GRM1: variants seen among roughly 807,000 people sequenced by gnomAD.
GRM1 encodes the protein metabotropic glutamate receptor 1.
Under a neutral mutation model 90.9 loss-of-function variants are expected in GRM1, and 33 were observed. The ratio of observed to expected loss-of-function variants is 0.36; its 90% CI spans 0.28 to 0.49. The LOEUF (loss-of-function observed/expected upper bound fraction) is 0.49, where lower values mean the gene tolerates loss of function less well. GRM1 is among the 20% of genes least tolerant of loss of function. GRM1 has a pLI of 0.99. For missense variants in GRM1, 1,190 were observed against 1,534.3 expected, an observed-to-expected ratio of 0.78 and a Z score of 3.75; for synonymous variants, 700 against 613.2, an observed-to-expected ratio of 1.14 and a Z score of -2.09.
rs1213237504 is a variant in GRM1, at chr6:146,399,499, T to C, written c.2460T>C (p.Ser820=). The part of the protein sequence containing the change: ...YKIITTCFAV[S]LSVTVALGCM... ...TCATCACAACTTGCTTTGCAGTGAG[T>C]CTCAGTGTAACAGTGGCTCTGGGGT... The change falls in exon 7 of 8, where the codon AGT becomes AGC. Residue 820 remains serine, a synonymous_variant. Transcript: ENST00000282753. This position sits in a 1 kb window ranked among gnomAD's most constrained non-coding sequence, Gnocchi z 5.4. The C allele has an allele frequency of 6.2e-7, 1 of 1,614,002 alleles. No individual in the cohort carries two copies. The highest frequency in any genetic ancestry group is 1.3e-5 in the African/African-American group (1 of 75,012).
In GRM1 at chr6:146,434,153, G is replaced by T. The variant is rs759345683; in HGVS notation, c.2942G>T (p.Arg981Leu). Residue 981 changes from arginine to leucine, a missense_variant, in exon 8 of 8, where the codon CGC (arginine) becomes CTC (leucine). Coordinates refer to ENST00000282753, the MANE Select transcript of GRM1 (RefSeq NM_001278064.2). Reference sequence around the variant, plus strand: ...AGCCCTTCCATGGTGGTGCACAGGCGCGTGCCAAGCGCGGCGACCACTCCG... The same window carrying T: ...AGCCCTTCCATGGTGGTGCACAGGCTCGTGCCAAGCGCGGCGACCACTCCG... ...PGSPSMVVHR[R>L]VPSAATTPPL... 1 of 1,613,926 alleles carries T rather than the reference G, an allele frequency of 6.2e-7. No homozygotes were observed. Among genetic ancestry groups the T allele is most frequent in the East Asian group, 2.2e-5 (1 of 44,844 alleles).
chr6:146,321,339 G>C (rs1470259507), intron 3 of GRM1, among the ~76,000 whole-genome samples: 1 of 152,184 alleles, frequency 6.6e-6, no homozygotes, highest in East Asian at 1.9e-4. Flanking sequence ...CTGCGAGACT[G>C]TTTTGATTTC....
At chr6:146,110,247 C>T (rs764657733) in intron 1 of GRM1, among the ~76,000 whole-genome samples, 5 of 152,114 alleles carry the variant, frequency 3.3e-5, no homozygotes, top group Non-Finnish European at 2.9e-5. Flanking sequence ...TCCCACATGT[C>T]GTGGGAGGAA....
chr6:146,223,140 G>T (rs536420989), intron 2 of GRM1, among the ~76,000 whole-genome samples: 1 of 152,166 alleles, frequency 6.6e-6, no homozygotes, highest in South Asian at 2.1e-4. Context: ...AAACAGTAGA[G>T]AGATGCCAAT....
chr6:146,189,454 G>A (rs75400555), intron 2 of GRM1, among the ~76,000 whole-genome samples: 3 of 152,066 alleles, frequency 2.0e-5, no homozygotes, highest in South Asian at 2.1e-4. Flanking sequence ...TGACTTCTTC[G>A]ACTCTCTTGC....
intron 7 of GRM1, among the ~76,000 whole-genome samples, chr6:146,418,970 A>G (rs1343668150): frequency 6.6e-6 from 1 of 152,232 alleles, no homozygotes; most frequent in Non-Finnish European, 1.5e-5. Context: ...GGTAATTCTG[A>G]CATGAATTAT....
intron 3 of GRM1, among the ~76,000 whole-genome samples, chr6:146,344,561 T>C (rs1050928489): frequency 3.9e-5 from 6 of 152,232 alleles, no homozygotes; most frequent in Non-Finnish European, 5.9e-5. Flanking sequence ...CTGGGATAGA[T>C]ATTGACTAAA....
chr6:146,178,077 T>C (rs1345590723), intron 2 of GRM1, among the ~76,000 whole-genome samples: 1 of 152,202 alleles, frequency 6.6e-6, no homozygotes, highest in Non-Finnish European at 1.5e-5. Context: ...CAAAAGTCTA[T>C]GTTTTCCGCA....
chr6:146,033,371 G>A lies in GRM1; in HGVS notation c.700+3154G>A, dbSNP rs373356926. 2.2e-4 allele frequency among the ~76,000 whole-genome samples: 34 copies of A among 151,832 alleles called. No homozygotes were observed. In the East Asian group the frequency reaches 3.3e-3, roughly 15 times the overall value. Reference sequence around the variant, plus strand: ...TCTTCTGATAAAATACAGATTCCCCGTCAAAAAAACAAATTTATTATTTCA... The same window carrying A: ...TCTTCTGATAAAATACAGATTCCCCATCAAAAAAACAAATTTATTATTTCA... On this transcript the variant is annotated intron_variant, in intron 1 of 7. Coordinates refer to ENST00000282753, the MANE Select transcript of GRM1 (RefSeq NM_001278064.2).
intron 3 of GRM1, among the ~76,000 whole-genome samples, chr6:146,322,029 T>A (rs1162705040): frequency 6.6e-6 from 1 of 152,162 alleles, no homozygotes; most frequent in Non-Finnish European, 1.5e-5. Context: ...CTCATCTTCA[T>A]GGATTTATCT....
At chr6:146,432,477 A>G (rs1448079826) in intron 7 of GRM1, among the ~76,000 whole-genome samples, 1 of 152,238 alleles carries the variant, frequency 6.6e-6, no homozygotes, top group African/African-American at 2.4e-5. Flanking sequence ...AAGATGATGA[A>G]ATAAACCATT....
chr6:146,383,009 T>C (rs926731647), intron 5 of GRM1, among the ~76,000 whole-genome samples: 5 of 152,108 alleles, frequency 3.3e-5, no homozygotes, highest in African/African-American at 1.2e-4. Context: ...GGGAGCATAA[T>C]TTCAGTGTAA....
At chr6:146,380,735 T>C (rs143089335) in intron 5 of GRM1, among the ~76,000 whole-genome samples, 46 of 152,246 alleles carry the variant, frequency 3.0e-4, no homozygotes, top group African/African-American at 1.1e-3. Flanking sequence ...TGTTGAGTCT[T>C]ACCTGAAGTC....
chr6:146,186,347 T>C (rs535808163), intron 2 of GRM1, among the ~76,000 whole-genome samples: 149 of 152,224 alleles, frequency 9.8e-4, no homozygotes, highest in Non-Finnish European at 1.5e-3. Context: ...GTTCAAAGAC[T>C]ATGAATTTTA....
At chr6:146,166,563 A>G (rs1777911783) in intron 2 of GRM1, among the ~76,000 whole-genome samples, 1 of 152,042 alleles carries the variant, frequency 6.6e-6, no homozygotes, top group Non-Finnish European at 1.5e-5. Flanking sequence ...AGTTCTCTTT[A>G]TTTCCTGTGT....
At chr6:146,232,675 C>T (rs1049294416) in intron 2 of GRM1, among the ~76,000 whole-genome samples, 12 of 151,900 alleles carry the variant, frequency 7.9e-5, no homozygotes, top group African/African-American at 2.9e-4. Flanking sequence ...GCCCTCCAGC[C>T]CCCCAATACC....
intron 2 of GRM1, among the ~76,000 whole-genome samples, chr6:146,160,833 A>C (rs1777698122): frequency 6.6e-6 from 1 of 152,208 alleles, no homozygotes; most frequent in Admixed American, 6.5e-5. Flanking sequence ...AAGCATGAGG[A>C]GGTGTGGAGC....
chr6:146,274,934 G>A (rs1389251315), intron 2 of GRM1, among the ~76,000 whole-genome samples: 1 of 152,174 alleles, frequency 6.6e-6, no homozygotes, highest in Non-Finnish European at 1.5e-5. Context: ...GGAGGCTGAG[G>A]CACAAGAATG....
rs951948201 is a variant in GRM1, at chr6:146,358,309, C to T, written c.1602+615C>T. ...TGACAACAAACAAGCATCAAATCCT[C>T]GGCGGGGTGTGCTAAAGAGGCTTCT... On this transcript the variant is annotated intron_variant, in intron 5 of 7. Transcript: ENST00000282753. Among the ~76,000 whole-genome samples, 3 of 152,260 alleles carry T rather than the reference C, an allele frequency of 2.0e-5. No individual in the cohort carries two copies. In the South Asian group the frequency reaches 6.2e-4, roughly 32 times the overall value.
Sources: gnomAD v4.1 joint callset for allele counts (sites outside exome capture counted in the v4.1 genomes callset) on GRCh38, gnomAD v4.1.1 for gene constraint, Gnocchi (gnomAD v3.1) non-coding constraint, MANE v1.5 for transcripts, NCBI Gene and HGNC (gene_info 2026-07-23, HGNC 2026-07-21) for gene names.